Variants in NUDT5 observed in about 807,000 individuals in gnomAD.
The protein encoded by NUDT5 is ADP-sugar pyrophosphatase.
A neutral mutation model predicts 34.1 loss-of-function variants in NUDT5; 21 were observed. The observed-to-expected ratio is 0.62, with a 90% CI of 0.44 to 0.89. The LOEUF is 0.89. Among genes scored for constraint, NUDT5 ranks in the 40% least tolerant of loss-of-function variants. The pLI, the probability that NUDT5 is intolerant of heterozygous loss-of-function variation, is 0.00. For synonymous variants in NUDT5, 85 were observed against 97.6 expected, an observed-to-expected ratio of 0.87 and a Z score of 0.76; for missense variants, 249 against 274.8, an observed-to-expected ratio of 0.91 and a Z score of 0.66.
Position 12,171,707 on chromosome 10 carries a change from A to ATTTATTTATTTATTTG in NUDT5, c.488-800_488-799insCAAATAAATAAATAAA. Among the ~76,000 whole-genome samples the ATTTATTTATTTATTTG allele has an allele frequency of 6.7e-6, 1 of 149,522 alleles. No individual in the cohort carries two copies. On this transcript the variant is annotated intron_variant, in intron 7 of 9. Transcript: ENST00000491614. The surrounding 1 kb of genome is among the most constrained non-coding windows in gnomAD (Gnocchi z 4.2). ...ATTTATTTTATTTATTTATTTATTT[A>ATTTATTTATTTATTTG]TTTATTTATTTATTTATTTATTTAT...
At chr10:12,186,185 G>C (rs772255504) in intron 2 of NUDT5, 44 bp downstream of exon 2, 1 of 1,382,898 alleles carries the variant, frequency 7.2e-7, no homozygotes, top group Non-Finnish European at 1.0e-6. Flanking sequence ...GCTAAACTCA[G>C]ATTTATGTGG....
At chr10:12,185,056 C>T in intron 2 of NUDT5, 100 bp from the exon 3 acceptor site, 1 of 667,460 alleles carries the variant, frequency 1.5e-6, no homozygotes, top group East Asian at 2.7e-5. Context: ...TCCCCAGACT[C>T]CCAATAATCA....
In NUDT5 at chr10:12,172,760, CAT is replaced by C. The variant is rs762375097; in HGVS notation, c.487+3_487+4del. On this transcript the variant is annotated splice_donor_region_variant and intron_variant, in intron 7 of 9. Coordinates refer to ENST00000491614, the MANE Select transcript of NUDT5 (RefSeq NM_014142.4). ...CCACCTTCATCACAGCCGACACACA[CAT>C]ACCTGGCTTTGGCTTCGGCCTTGCG... 6.2e-7 allele frequency: 1 copy of C among 1,607,168 alleles called. No individual in the cohort carries two copies. The highest frequency in any genetic ancestry group is 1.1e-5 in the South Asian group (1 of 90,920).
chr10:12,170,358 T>C lies in NUDT5; in HGVS notation c.550+359A>G, dbSNP rs528785338. On this transcript the variant is annotated intron_variant, in intron 9 of 9. Coordinates refer to ENST00000491614, the MANE Select transcript of NUDT5 (RefSeq NM_014142.4). This position sits in a 1 kb window ranked among gnomAD's most constrained non-coding sequence, Gnocchi z 4.9. ...CAAAGGACCATCCCTCATACTAGCATACTTGAGGAAAAGCTAACAGCTTAT... is the reference window on the plus strand; with the variant it reads ...CAAAGGACCATCCCTCATACTAGCACACTTGAGGAAAAGCTAACAGCTTAT... 280 of 687,282 alleles carry C rather than the reference T, an allele frequency of 4.1e-4. 1 individual carries two copies. The highest frequency in any genetic ancestry group is 6.1e-4 in the Non-Finnish European group (247 of 405,790). 42.6% of individuals were successfully genotyped at this position (687,282 alleles called of 1,614,324 possible). A position where few individuals can be genotyped will look rare whatever the true frequency, so the allele number is the denominator to read the frequency against.
In NUDT5 at chr10:12,172,860, C is replaced by T. The variant is rs1475450706; in HGVS notation, c.392G>A (p.Cys131Tyr). Residue 131 changes from cysteine (C) to tyrosine (Y), a missense_variant, in exon 7 of 10, where the codon TGT becomes TAT. Coordinates refer to ENST00000491614, the MANE Select transcript of NUDT5 (RefSeq NM_014142.4). The part of the protein sequence containing the change: ...GDIAECSPAV[C>Y]MDPGLSNCTI... ...ACAGTTTGACAAGCCTGGGTCCATA[C>T]AGACCGCTGTGGAGAGAAGGGACAG... 4.3e-6 allele frequency: 7 copies of T among 1,612,608 alleles called. No individual in the cohort carries two copies. The East Asian group carries it at 6.7e-5, about 15-fold the overall frequency.
chr10:12,186,706 C>T (rs2131714844), intron 1 of NUDT5, among the ~76,000 whole-genome samples: 1 of 151,464 alleles, frequency 6.6e-6, no homozygotes, highest in East Asian at 1.9e-4. Context: ...CAGCTCACTG[C>T]AACCTCCGCC....
intron 1 of NUDT5, among the ~76,000 whole-genome samples, chr10:12,191,425 A>AACC (rs56655082): frequency 0.99 from 150,503 of 152,130 alleles, 74,475 homozygotes; most frequent in Non-Finnish European, 1. Flanking sequence ...ACAAAGGAAA[A>AACC]ACCACCACCA....
intron 3 of NUDT5, among the ~76,000 whole-genome samples, chr10:12,183,940 T>C (rs1270654759): frequency 6.6e-6 from 1 of 152,246 alleles, no homozygotes; most frequent in Admixed American, 6.5e-5. Context: ...TCATTTCCTA[T>C]TTTTAAGATA....
rs747083409 is a variant in NUDT5, at chr10:12,186,294, T to G, written c.-3A>C. On this transcript the variant is annotated 5_prime_UTR_variant, in exon 2 of 10. Coordinates refer to ENST00000491614, the MANE Select transcript of NUDT5 (RefSeq NM_014142.4). ...TCCGTTGGTTCTTGGCTCTCCATTT[T>G]CAAACGAGTCTTTACAGCCCTCAGG... 1.2e-6 allele frequency: 2 copies of G among 1,610,272 alleles called. No individual in the cohort carries two copies. The highest frequency in any genetic ancestry group is 1.7e-6 in the Non-Finnish European group (2 of 1,176,380).
At chr10:12,191,129 A>C (rs1296855975) in intron 1 of NUDT5, among the ~76,000 whole-genome samples, 1 of 152,044 alleles carries the variant, frequency 6.6e-6, no homozygotes, top group African/African-American at 2.4e-5. Flanking sequence ...CATGCCTATA[A>C]TCCCAGCACT....
At position 12,185,431 on chromosome 10, in the gene NUDT5, A is replaced by G. The variant is rs1411078221; in HGVS notation, c.64-475T>C. On this transcript the variant is annotated intron_variant, in intron 2 of 9. Transcript: ENST00000491614. ...GACTGTGGGGAAACAGGGTCCATCC[A>G]GGATTGGATCTCCTATCATGACACG... Among the ~76,000 whole-genome samples, 7 of 152,242 alleles carry G rather than the reference A, an allele frequency of 4.6e-5. No homozygotes were observed. In the East Asian group the frequency reaches 1.3e-3, roughly 29 times the overall value.
Position 12,166,776 on chromosome 10 carries a change from T to C in NUDT5, c.*926A>G. On this transcript the variant is annotated 3_prime_UTR_variant, in exon 10 of 10. Transcript: ENST00000491614. ...TCAACACAAAAAGAGCTAAACTCAC[T>C]CAAGAAGCTAAGAAAATGGCCCAGG... 1 of 491,720 alleles carries C rather than the reference T, an allele frequency of 2.0e-6. No individual in the cohort carries two copies. Among genetic ancestry groups the C allele is most frequent in the Non-Finnish European group, 4.2e-6 (1 of 239,226 alleles). The allele number at this position is 491,720 out of a possible 1,614,324, so 30.5% of individuals were successfully genotyped here.
In NUDT5 at chr10:12,168,086, G is replaced by A. The variant is rs746710997; in HGVS notation, c.551-275C>T. Among the ~76,000 whole-genome samples the A allele has an allele frequency of 3.3e-5, 5 of 151,584 alleles. No homozygotes were observed. Among genetic ancestry groups the A allele is most frequent in the South Asian group, 2.1e-4 (1 of 4,810 alleles). On this transcript the variant is annotated intron_variant, in intron 9 of 9. Transcript: ENST00000491614. This position sits in a 1 kb window ranked among gnomAD's most constrained non-coding sequence, Gnocchi z 4.8. ...GTTGCCCAAGCTAGAGGGCAATGGC[G>A]TGATCTCGGCTCACTGCAACCTCTG...
At position 12,184,941 on chromosome 10, in the gene NUDT5, T is replaced by G; in HGVS notation, c.79A>C (p.Lys27Gln). The G allele has an allele frequency of 6.3e-7, 1 of 1,586,378 alleles. No individual in the cohort carries two copies. The highest frequency in any genetic ancestry group is 8.6e-7 in the Non-Finnish European group (1 of 1,157,896). The change falls in exon 3 of 10, where the codon AAA becomes CAA. Residue 27 changes from lysine (K) to glutamine (Q), a missense_variant. By Grantham distance (53) the Lys-to-Gln change is moderately conservative (BLOSUM62 1). Coordinates refer to ENST00000491614, the MANE Select transcript of NUDT5 (RefSeq NM_014142.4). Reference protein sequence around the residue: ...IISEELISEGKWVKLEKTTYM... With the variant: ...IISEELISEGQWVKLEKTTYM... Reference sequence around the variant, plus strand: ...GTTGTTTTTTCAAGCTTGACCCATTTTCCTTCTGAAATTAACTAAAAGGAT... The same window carrying G: ...GTTGTTTTTTCAAGCTTGACCCATTGTCCTTCTGAAATTAACTAAAAGGAT...
At chr10:12,194,122 G>A (rs1835286994) in intron 1 of NUDT5, among the ~76,000 whole-genome samples, 1 of 152,134 alleles carries the variant, frequency 6.6e-6, no homozygotes, top group Non-Finnish European at 1.5e-5. Flanking sequence ...TGATGCGCCC[G>A]CCTCGGCCTC....
intron 2 of NUDT5, 117 bp from the exon 3 acceptor site, chr10:12,185,073 C>A: frequency 1.7e-6 from 1 of 604,252 alleles, no homozygotes; most frequent in Non-Finnish European, 2.9e-6. Context: ...ATCATCTTTC[C>A]TTCCCAATAA....
intron 3 of NUDT5, 51 bp downstream of exon 3, chr10:12,184,838 A>T (rs1257315117): frequency 2.0e-6 from 2 of 1,024,928 alleles, no homozygotes; most frequent in Non-Finnish European, 3.0e-6. Context: ...CTCAACAGAT[A>T]ACCTGAGAAC....
chr10:12,178,413 G>A (rs955893360), intron 4 of NUDT5, among the ~76,000 whole-genome samples: 19 of 152,156 alleles, frequency 1.2e-4, no homozygotes, highest in African/African-American at 2.2e-4. Context: ...AAACAAAAAC[G>A]ACTGGGTTTC....
intron 2 of NUDT5, 112 bp downstream of exon 2, chr10:12,186,117 T>C: frequency 1.1e-6 from 1 of 907,946 alleles, no homozygotes; most frequent in South Asian, 1.6e-5. Flanking sequence ...AGGAAAAATC[T>C]TTACAACTGT....
Sources: allele counts gnomAD v4.1 joint callset (sites outside exome capture counted in the v4.1 genomes callset), GRCh38; gene constraint gnomAD v4.1.1; non-coding constraint Gnocchi (gnomAD v3.1); transcripts MANE v1.5; gene names NCBI Gene and HGNC (gene_info 2026-07-23, HGNC 2026-07-21).